The following CENPN variants were observed in gnomAD, a reference collection of about 807,000 sequenced individuals.
The protein encoded by CENPN is interphase centromere complex protein 32.
CENPN carries 36 observed loss-of-function variants against 48.6 expected under a neutral mutation model. The ratio of observed to expected loss-of-function variants is 0.74; its 90% CI spans 0.57 to 0.98. CENPN has a LOEUF of 0.98. Among genes scored for constraint, CENPN ranks in the 50% least tolerant of loss-of-function variants. The pLI is 0.00. For synonymous variants in CENPN, 166 were observed against 135.2 expected (o/e 1.23, Z -1.58); for missense variants, 439 against 399.2 (o/e 1.10, Z -0.85).
chr16:81,008,506 G>A (rs1023258869), intron 1 of CENPN, among the ~76,000 whole-genome samples: 1 of 152,096 alleles, frequency 6.6e-6, no homozygotes, highest in African/African-American at 2.4e-5. Flanking sequence ...CGAGTAGCTG[G>A]GACTAGAGGT....
intron 2 of CENPN, among the ~76,000 whole-genome samples, chr16:81,013,457 G>C (rs1288007916): frequency 6.6e-6 from 1 of 152,230 alleles, no homozygotes; most frequent in South Asian, 2.1e-4. Context: ...ACTGGACTCA[G>C]TGGCTCCTGC....
chr16:81,026,198 T>C (rs1242955689), intron 8 of CENPN, among the ~76,000 whole-genome samples: 3 of 146,134 alleles, frequency 2.1e-5, no homozygotes, highest in African/African-American at 7.6e-5. Flanking sequence ...TATATATGTA[T>C]ATATATGTGT....
At chr16:81,013,380 G>A (rs1969817570) in intron 2 of CENPN, among the ~76,000 whole-genome samples, 1 of 152,194 alleles carries the variant, frequency 6.6e-6, no homozygotes, top group Admixed American at 6.5e-5. Context: ...ACTAAGGCTT[G>A]GGAGGTAGAG....
Position 81,030,379 on chromosome 16 carries a change from A to G in CENPN, c.*1728A>G, listed in dbSNP as rs947459393. 66 of 985,042 alleles carry G rather than the reference A, an allele frequency of 6.7e-5. No individual in the cohort carries two copies. Among genetic ancestry groups the G allele is most frequent in the Non-Finnish European group, 7.6e-5 (63 of 829,826 alleles). The allele number at this position is 985,042 out of a possible 1,614,324, so 61.0% of individuals were successfully genotyped here. ...GAGGTTTCTCCTAGTGTACTCTCAC[A>G]CTTCTGATACCAGATATGTGGGGGA... On this transcript the variant is annotated 3_prime_UTR_variant, in exon 11 of 11. Transcript: ENST00000305850.
intron 3 of CENPN, among the ~76,000 whole-genome samples, chr16:81,016,003 CAA>C: frequency 7.1e-6 from 1 of 140,954 alleles, no homozygotes; most frequent in Admixed American, 7.1e-5. Context: ...GACTCTGTCT[CAA>C]AAAAAAAAAG....
rs1332922821 is a variant in CENPN at position 81,030,605 on chromosome 16, TG to T, written c.*1959del. On this transcript the variant is annotated 3_prime_UTR_variant, in exon 11 of 11. Coordinates refer to ENST00000305850, the MANE Select transcript of CENPN (RefSeq NM_001100624.3). ...CTCTACTAAAAATAGAAAAATTAGTTGGGGGTAGTGGCAGCCGCCTGTAATC... is the reference window on the plus strand; with the variant it reads ...CTCTACTAAAAATAGAAAAATTAGTTGGGGTAGTGGCAGCCGCCTGTAATC... Among the ~76,000 whole-genome samples, 1 of 152,044 alleles carries T rather than the reference TG, an allele frequency of 6.6e-6. No individual in the cohort carries two copies. The highest frequency in any genetic ancestry group is 2.4e-5 in the African/African-American group (1 of 41,398).
downstream of CENPN, chr16:81,032,941 C>A (rs957756646): frequency 2.1e-5 from 7 of 338,040 alleles, no homozygotes; most frequent in African/African-American, 1.1e-4. Context: ...TGTGGCCAAC[C>A]AACCAATGAT....
chr16:81,031,833 C>G (rs1970792175), downstream of CENPN, among the ~76,000 whole-genome samples: 1 of 152,158 alleles, frequency 6.6e-6, no homozygotes, highest in Non-Finnish European at 1.5e-5. Context: ...AAACTCCTGA[C>G]CTCAAGTGAT....
chr16:81,022,807 A>G (rs763730863), intron 7 of CENPN, 109 bp downstream of exon 7: 6 of 1,613,474 alleles, frequency 3.7e-6, no homozygotes, highest in Non-Finnish European at 1.7e-6. Context: ...ATCATTTTAG[A>G]TATTACCGAA....
intron 1 of CENPN, chr16:81,007,520 C>T (rs1969481917): frequency 6.6e-6 from 1 of 152,238 alleles, no homozygotes; most frequent in African/African-American, 2.4e-5. Flanking sequence ...CTTTCGTAGG[C>T]TCGCGACTGC....
Position 81,031,454 on chromosome 16 carries a change from A to G in CENPN, c.*2803A>G, listed in dbSNP as rs12456. 0.11 allele frequency: 17,130 copies of G among 152,224 alleles called. 1,298 individuals carry two copies. Among genetic ancestry groups the G allele is most frequent in the African/African-American group, 0.22 (9,068 of 41,492 alleles). 9.4% of individuals were successfully genotyped at this position (152,224 alleles called of 1,614,324 possible). On this transcript the variant is annotated 3_prime_UTR_variant, in exon 11 of 11. Transcript: ENST00000305850. ...ATCTGTCTCCCAAATTGCAATTCCT[A>G]AGACCTCAATAAAAACACCTTGTCT...
intron 8 of CENPN, among the ~76,000 whole-genome samples, chr16:81,026,143 GTATATATATA>G (rs372229919): frequency 7.0e-6 from 1 of 143,218 alleles, no homozygotes; most frequent in Non-Finnish European, 1.5e-5. Flanking sequence ...ATATATATAT[GTATATATATA>G]TGTGTATATA....
intron 3 of CENPN, 66 bp from the exon 4 acceptor site, chr16:81,017,260 A>T: frequency 9.8e-7 from 1 of 1,019,722 alleles, no homozygotes. Context: ...GTATAGAAAT[A>T]TCTATAAGCA....
chr16:81,015,044 A>C (rs1597309761), intron 3 of CENPN, among the ~76,000 whole-genome samples: 1 of 152,338 alleles, frequency 6.6e-6, no homozygotes, highest in East Asian at 1.9e-4. Flanking sequence ...AGGTTAGGTG[A>C]ATTATTTTCA....
At chr16:81,007,569 C>T (rs901747458) in intron 1 of CENPN, 1 of 152,294 alleles carries the variant, frequency 6.6e-6, no homozygotes, top group Admixed American at 6.5e-5. Context: ...CCAGGGGCTC[C>T]GCTCTACGAT....
intron 2 of CENPN, 21 bp downstream of exon 2, chr16:81,012,131 G>A (rs767151172): frequency 1.9e-6 from 3 of 1,611,164 alleles, no homozygotes; most frequent in East Asian, 2.2e-5. Context: ...TAAAAATGAT[G>A]AGCCTTGAAC....
intron 2 of CENPN, among the ~76,000 whole-genome samples, chr16:81,013,091 A>C (rs1969805913): frequency 6.6e-6 from 1 of 152,266 alleles, no homozygotes; most frequent in African/African-American, 2.4e-5. Flanking sequence ...GTTCACAGCA[A>C]CATTATTCAT....
intron 5 of CENPN, among the ~76,000 whole-genome samples, chr16:81,018,515 A>T (rs1008884079): frequency 6.6e-6 from 1 of 152,178 alleles, no homozygotes; most frequent in African/African-American, 2.4e-5. Context: ...TTTTTACATT[A>T]AATAGCCACA....
At position 81,012,049 on chromosome 16, in the gene CENPN, A is replaced by G; in HGVS notation, c.110A>G (p.Gln37Arg). ...AWDFLSENQL[Q>R]TVNFRQRKES... is the part of the protein sequence containing the mutation. ...GATTTTTTGTCTGAAAATCAACTGC[A>G]GACTGTAAATTTCCGACAGAGAAAG... Residue 37 changes from glutamine to arginine, a missense_variant, in exon 2 of 11, where the codon CAG becomes CGG. Physicochemically the swap from Gln to Arg is conservative, Grantham distance 43 (BLOSUM62 1). Coordinates refer to ENST00000305850, the MANE Select transcript of CENPN (RefSeq NM_001100624.3). 6.2e-7 allele frequency: 1 copy of G among 1,614,192 alleles called. No individual in the cohort carries two copies. Among genetic ancestry groups the G allele is most frequent in the Non-Finnish European group, 8.5e-7 (1 of 1,180,006 alleles).
Sources: allele counts gnomAD v4.1 joint callset (sites outside exome capture counted in the v4.1 genomes callset), GRCh38; gene constraint gnomAD v4.1.1; transcripts MANE v1.5; gene names NCBI Gene and HGNC (gene_info 2026-07-23, HGNC 2026-07-21).